The following MRPS6 variants were observed in gnomAD, a reference collection of about 807,000 sequenced individuals.
MRPS6 encodes small ribosomal subunit protein bS6m.
MRPS6 carries 6 observed loss-of-function variants against 13.1 expected under a neutral mutation model. The observed-to-expected ratio is 0.46, with a 90% CI of 0.25 to 0.91. The LOEUF (loss-of-function observed/expected upper bound fraction) is 0.91, where lower values mean the gene tolerates loss of function less well. MRPS6 is among the 40% of genes least tolerant of loss of function. The pLI, the probability that MRPS6 is intolerant of heterozygous loss-of-function variation, is 0.18. For missense variants in MRPS6, 164 were observed against 155.6 expected (o/e 1.05, Z -0.29); for synonymous variants, 61 against 56.5 (o/e 1.08, Z -0.36).
At chr21:34,111,543 T>C (rs1979700063) in intron 1 of MRPS6, among the ~76,000 whole-genome samples, 1 of 152,244 alleles carries the variant, frequency 6.6e-6, no homozygotes, top group South Asian at 2.1e-4. Flanking sequence ...TCTCTGGGTG[T>C]ATAGCACAGG....
At chr21:34,120,997 A>G (rs565982800) in intron 1 of MRPS6, among the ~76,000 whole-genome samples, 10 of 151,726 alleles carry the variant, frequency 6.6e-5, no homozygotes, top group Non-Finnish European at 1.0e-4. Flanking sequence ...AGGAGGTACA[A>G]TTAGCACAGC....
At chr21:34,106,994 C>T (rs1007282418) in intron 1 of MRPS6, among the ~76,000 whole-genome samples, 2 of 151,958 alleles carry the variant, frequency 1.3e-5, no homozygotes, top group South Asian at 2.1e-4. Context: ...TGCAGTGGTG[C>T]GATCTTGGCT....
chr21:34,090,660 A>C (rs1978639004), intron 1 of MRPS6, among the ~76,000 whole-genome samples: 1 of 152,206 alleles, frequency 6.6e-6, no homozygotes, highest in Admixed American at 6.5e-5. Context: ...GTAAACTGAC[A>C]TTTACTGAGC....
intron 1 of MRPS6, among the ~76,000 whole-genome samples, chr21:34,116,210 G>A (rs1277742438): frequency 6.8e-6 from 1 of 147,994 alleles, no homozygotes; most frequent in African/African-American, 2.6e-5. Context: ...GTGTGTGTGT[G>A]TGTGTGTATG....
Position 34,142,472 on chromosome 21 carries a change from C to A in MRPS6, c.250C>A (p.Arg84=). Residue 84 remains arginine, a synonymous_variant, in exon 3 of 3, where the codon CGA becomes AGA. Coordinates refer to ENST00000399312, the MANE Select transcript of MRPS6 (RefSeq NM_032476.4). ...TGAAAGCATGGTGGAGCACTTGTCT[C>A]GAGATATAGATGTGATTAGAGGGAA... ...AVESMVEHLS[R]DIDVIRGNIV... 5.0e-6 allele frequency: 8 copies of A among 1,608,060 alleles called. No individual in the cohort carries two copies. The highest frequency in any genetic ancestry group is 6.8e-6 in the Non-Finnish European group (8 of 1,177,486).
chr21:34,121,475 C>T (rs1980119210), intron 1 of MRPS6, among the ~76,000 whole-genome samples: 1 of 151,944 alleles, frequency 6.6e-6, no homozygotes. Context: ...GTTTCCATTC[C>T]CATTCATTCA....
In MRPS6 at chr21:34,073,681, C is replaced by T. The variant is rs1989244128; in HGVS notation, c.-20C>T. 1 of 1,517,184 alleles carries T rather than the reference C, an allele frequency of 6.6e-7. No individual in the cohort carries two copies. Among genetic ancestry groups the T allele is most frequent in the Non-Finnish European group, 8.9e-7 (1 of 1,124,956 alleles). 94.0% of individuals were successfully genotyped at this position (1,517,184 alleles called of 1,614,324 possible). ...CGGGAACCGGCTGGCTTCCGAGCCGCACTCGCCGATCCTCCAGGCATGCCC... is the reference window on the plus strand; with the variant it reads ...CGGGAACCGGCTGGCTTCCGAGCCGTACTCGCCGATCCTCCAGGCATGCCC... On this transcript the variant is annotated 5_prime_UTR_variant, in exon 1 of 3. Transcript: ENST00000399312.
Position 34,073,721 on chromosome 21 carries a change from T to C in MRPS6, c.21T>C (p.Ala7=). 6.5e-7 allele frequency: 1 copy of C among 1,529,170 alleles called. No individual in the cohort carries two copies. Among genetic ancestry groups the C allele is most frequent in the Non-Finnish European group, 8.8e-7 (1 of 1,132,388 alleles). 94.7% of individuals were successfully genotyped at this position (1,529,170 alleles called of 1,614,324 possible). ...CAGGCATGCCCCGCTACGAGCTGGC[T>C]TTAATCCTGAAAGCCATGCAGCGGG... is the stretch of plus-strand genomic sequence containing the variant. The part of the protein sequence containing the change: MPRYEL[A]LILKAMQRPE... The change falls in exon 1 of 3, where the codon GCT becomes GCC. Residue 7 remains alanine (A), a synonymous_variant. Transcript: ENST00000399312.
rs200832534 is a variant in MRPS6, at chr21:34,079,192, GA to G, written c.45+5454del. Among the ~76,000 whole-genome samples, 81 of 152,094 alleles carry G rather than the reference GA, an allele frequency of 5.3e-4. No individual in the cohort carries two copies. The East Asian group carries it at 0.014, about 26-fold the overall frequency. On this transcript the variant is annotated intron_variant, in intron 1 of 2. Coordinates refer to ENST00000399312, the MANE Select transcript of MRPS6 (RefSeq NM_032476.4). ...AAGATTTTACAGTTGAATAGGTGGG[GA>G]AAAAAACAGCAATACTTTATGGCAC...
chr21:34,116,178 T>TGTGTG lies in MRPS6; in HGVS notation c.46-9163_46-9162insGTGTG, dbSNP rs1979892869. 1.3e-3 allele frequency among the ~76,000 whole-genome samples: 188 copies of TGTGTG among 141,378 alleles called. 2 individuals are homozygous for TGTGTG. Among genetic ancestry groups the TGTGTG allele is most frequent in the African/African-American group, 4.8e-3 (182 of 37,532 alleles). 92.7% of individuals were successfully genotyped at this position (141,378 alleles called of 152,430 possible). A position where few individuals can be genotyped will look rare whatever the true frequency, so the allele number is the denominator to read the frequency against. ...TGTGTCCCACCATGCCCAGCTAATT[T>TGTGTG]TGTGTGTGTGTGTGTGTGTGTGTGT... On this transcript the variant is annotated intron_variant, in intron 1 of 2. Coordinates refer to ENST00000399312, the MANE Select transcript of MRPS6 (RefSeq NM_032476.4).
intron 2 of MRPS6, among the ~76,000 whole-genome samples, chr21:34,137,563 T>A (rs1423459733): frequency 6.6e-6 from 1 of 152,218 alleles, no homozygotes; most frequent in Non-Finnish European, 1.5e-5. Context: ...CACTTTTTGC[T>A]TATCAGTCTA....
chr21:34,134,161 T>C (rs1980605017), intron 2 of MRPS6, among the ~76,000 whole-genome samples: 1 of 152,206 alleles, frequency 6.6e-6, no homozygotes, highest in African/African-American at 2.4e-5. Flanking sequence ...CTTGAATAAA[T>C]GAGTAATTCA....
In MRPS6 at chr21:34,135,213, T is replaced by G. The variant is rs557186755; in HGVS notation, c.186-7195T>G. On this transcript the variant is annotated intron_variant, in intron 2 of 2. Coordinates refer to ENST00000399312, the MANE Select transcript of MRPS6 (RefSeq NM_032476.4). ...TAGGTACAGCTGCTGTGAACATTTG[T>G]GTACAAGTTGTTGTGTGGACACATG... Among the ~76,000 whole-genome samples the G allele has an allele frequency of 2.0e-5, 3 of 152,298 alleles. No homozygotes were observed. The South Asian group carries it at 6.2e-4, about 32-fold the overall frequency.
intron 2 of MRPS6, among the ~76,000 whole-genome samples, chr21:34,139,261 C>T (rs931241816): frequency 2.0e-5 from 3 of 151,326 alleles, no homozygotes; most frequent in Non-Finnish European, 2.9e-5. Context: ...GGGTACAGCA[C>T]ACCAGCATGG....
chr21:34,083,619 C>T (rs982451220), intron 1 of MRPS6, among the ~76,000 whole-genome samples: 10 of 152,170 alleles, frequency 6.6e-5, no homozygotes, highest in Non-Finnish European at 8.8e-5. Flanking sequence ...TGCTTGCCTT[C>T]TGTTTTGTTA....
intron 1 of MRPS6, among the ~76,000 whole-genome samples, chr21:34,119,671 G>A (rs1198942565): frequency 6.6e-6 from 1 of 152,178 alleles, no homozygotes; most frequent in Non-Finnish European, 1.5e-5. Context: ...GTGTGGTAGT[G>A]CTAGCTGGGT....
At chr21:34,092,706 C>G (rs1235435979) in intron 1 of MRPS6, among the ~76,000 whole-genome samples, 5 of 152,196 alleles carry the variant, frequency 3.3e-5, no homozygotes, top group African/African-American at 1.2e-4. Context: ...TTTTTCAGCA[C>G]TTTGTTCTCT....
At chr21:34,098,482 G>C in intron 1 of MRPS6, 1 of 999,922 alleles carries the variant, frequency 1.0e-6, no homozygotes, top group Non-Finnish European at 1.2e-6. Flanking sequence ...TTCCTCAAAA[G>C]ACTTTCCATC....
rs1342730315 is a variant in MRPS6, at chr21:34,073,593, G to T, written c.-108G>T. ...CTCGGACCGTGCTTTCGCCGCCTGG[G>T]AGCCGTCCGGCGCAGCAGTTTCTAG... On this transcript the variant is annotated 5_prime_UTR_variant, in exon 1 of 3. Coordinates refer to ENST00000399312, the MANE Select transcript of MRPS6 (RefSeq NM_032476.4). 4 of 978,652 alleles carry T rather than the reference G, an allele frequency of 4.1e-6. No individual in the cohort carries two copies. In the African/African-American group the frequency reaches 7.0e-5, roughly 17 times the overall value. The allele number at this position is 978,652 out of a possible 1,614,324, so 60.6% of individuals were successfully genotyped here. A position where few individuals can be genotyped will look rare whatever the true frequency, so the allele number is the denominator to read the frequency against.
Sources: allele counts gnomAD v4.1 joint callset (sites outside exome capture counted in the v4.1 genomes callset), GRCh38; gene constraint gnomAD v4.1.1; transcripts MANE v1.5; gene names NCBI Gene and HGNC (gene_info 2026-07-23, HGNC 2026-07-21).